Variants in ANKS1B observed in about 807,000 individuals in gnomAD.
ANKS1B encodes the protein ankyrin repeat and sterile alpha motif domain containing 1B.
In ANKS1B, 36 loss-of-function variants were observed where a neutral mutation model predicts 148.3. The ratio of observed to expected loss-of-function variants is 0.24; its 90% confidence interval spans 0.19 to 0.32. The LOEUF (loss-of-function observed/expected upper bound fraction) is 0.32. Among genes scored for constraint, ANKS1B ranks in the 10% least tolerant of loss-of-function variants. The pLI, the probability that ANKS1B is intolerant of heterozygous loss-of-function variation, is 1.00. For missense variants in ANKS1B, 1,157 were observed against 1,542.6 expected (o/e 0.75, Z 4.19); for synonymous variants, 542 against 560.8 (o/e 0.97, Z 0.47).
intron 17 of ANKS1B, among the ~76,000 whole-genome samples, chr12:98,995,742 T>G (rs1383148058): frequency 6.6e-6 from 1 of 152,200 alleles, no homozygotes; most frequent in Non-Finnish European, 1.5e-5. Flanking sequence ...AGGAACCATA[T>G]AGTTGCCCCA....
chr12:98,933,977 T>C (rs79493669), intron 17 of ANKS1B, among the ~76,000 whole-genome samples: 11,182 of 152,162 alleles, frequency 0.073, 428 homozygotes, highest in African/African-American at 0.093. Flanking sequence ...CTCAGTTGAC[T>C]GTTTCTTTTG....
At chr12:99,272,563 T>C (rs2077166706) in intron 12 of ANKS1B, among the ~76,000 whole-genome samples, 1 of 152,194 alleles carries the variant, frequency 6.6e-6, no homozygotes, top group Admixed American at 6.5e-5. Flanking sequence ...CAATACACAC[T>C]GTACACAGGT....
intron 17 of ANKS1B, among the ~76,000 whole-genome samples, chr12:98,869,106 C>A (rs573851972): frequency 6.6e-6 from 1 of 152,140 alleles, no homozygotes; most frequent in Non-Finnish European, 1.5e-5. Context: ...GGCCAAGTAG[C>A]CCTTGCACAC....
intron 17 of ANKS1B, among the ~76,000 whole-genome samples, chr12:98,844,989 A>G (rs572987282): frequency 1.4e-4 from 22 of 152,356 alleles, no homozygotes; most frequent in African/African-American, 5.1e-4. Flanking sequence ...TAAGGATCCA[A>G]AAGAAATCAA....
chr12:98,982,769 A>G (rs1163078123), intron 17 of ANKS1B, among the ~76,000 whole-genome samples: 1 of 152,162 alleles, frequency 6.6e-6, no homozygotes, highest in Non-Finnish European at 1.5e-5. Flanking sequence ...ATGGAATTCT[A>G]TTGTATGAAT....
intron 10 of ANKS1B, among the ~76,000 whole-genome samples, chr12:99,473,196 G>A (rs1384896733): frequency 6.6e-6 from 1 of 151,830 alleles, no homozygotes; most frequent in East Asian, 1.9e-4. Context: ...CAGACATATT[G>A]TGTTTTAAAT....
At chr12:99,790,658 T>C (rs1019668449) in intron 4 of ANKS1B, among the ~76,000 whole-genome samples, 9 of 152,084 alleles carry the variant, frequency 5.9e-5, no homozygotes, top group Non-Finnish European at 1.2e-4. Flanking sequence ...TCTTTTTGTG[T>C]GTTTGTTTGT....
At chr12:99,915,337 A>G (rs138523277) in intron 1 of ANKS1B, among the ~76,000 whole-genome samples, 309 of 152,168 alleles carry the variant, frequency 2.0e-3, no homozygotes, top group African/African-American at 7.3e-3. Flanking sequence ...CCTATCTGAC[A>G]TGTGTCATTA....
chr12:99,682,809 A>G (rs1420842326), intron 8 of ANKS1B, among the ~76,000 whole-genome samples: 1 of 152,170 alleles, frequency 6.6e-6, no homozygotes, highest in Non-Finnish European at 1.5e-5. Flanking sequence ...CAAAAGATAA[A>G]TGACATGAAA....
At chr12:99,665,641 C>A (rs2153459569) in intron 8 of ANKS1B, among the ~76,000 whole-genome samples, 1 of 152,172 alleles carries the variant, frequency 6.6e-6, no homozygotes, top group South Asian at 2.1e-4. Flanking sequence ...CGCCCACCAC[C>A]ACGCCCGGCT....
In ANKS1B at chr12:99,053,181, T is replaced by G. The variant is rs1383858817; in HGVS notation, c.2754A>C (p.Lys918Asn). Residue 918 changes from lysine to asparagine, a missense_variant, in exon 17 of 27, where the codon AAA becomes AAC. Coordinates refer to ENST00000683438, the MANE Select transcript of ANKS1B (RefSeq NM_001352186.2). The stretch of plus-strand genomic sequence containing the variant: ...CATTAATAAGTTCAACCTCCCAGAT[T>G]TTTTTCAACAGGTCCATCGAAGTGT... Reference protein sequence around the residue: ...NGYTSMDLLKKIWEVELINVL... With the variant: ...NGYTSMDLLKNIWEVELINVL... 1 of 1,609,052 alleles carries G rather than the reference T, an allele frequency of 6.2e-7. No individual in the cohort carries two copies. The highest frequency in any genetic ancestry group is 8.5e-7 in the Non-Finnish European group (1 of 1,177,654).
At chr12:98,861,714 A>G (rs1000603244) in intron 17 of ANKS1B, among the ~76,000 whole-genome samples, 15 of 152,250 alleles carry the variant, frequency 9.9e-5, no homozygotes, top group Non-Finnish European at 2.9e-5. Flanking sequence ...TATTCATAAC[A>G]TATTAGAGCT....
In ANKS1B at chr12:99,175,244, T is replaced by C. The variant is rs76777990; in HGVS notation, c.2420-20849A>G. Among the ~76,000 whole-genome samples, 1,013 of 152,300 alleles carry C rather than the reference T, an allele frequency of 6.7e-3. 9 individuals are homozygous for C. The highest frequency in any genetic ancestry group is 0.022 in the African/African-American group (930 of 41,566). ...AACATCTTTAAGTTTCCATGGACAT[T>C]GAGCAAAGTTTCCCAGATTCTACCG... On this transcript the variant is annotated intron_variant, in intron 14 of 26. Coordinates refer to ENST00000683438, the MANE Select transcript of ANKS1B (RefSeq NM_001352186.2).
rs898970347 is a variant in ANKS1B at position 98,989,167 on chromosome 12, T to TA, written c.2778+63989dup. On this transcript the variant is annotated intron_variant, in intron 17 of 26. Transcript: ENST00000683438. ...TGTTGCCTGGGCTTTTGGTTCATGT[T>TA]AAAAAAAATAATTGCCTAGACCAAT... Among the ~76,000 whole-genome samples, 47 of 152,088 alleles carry TA rather than the reference T, an allele frequency of 3.1e-4. 1 individual carries two copies. The highest frequency in any genetic ancestry group is 1.1e-3 in the African/African-American group (47 of 41,506).
chr12:99,078,938 TCACTTGC>T (rs1300990315), intron 16 of ANKS1B, among the ~76,000 whole-genome samples: 1 of 152,238 alleles, frequency 6.6e-6, no homozygotes, highest in African/African-American at 2.4e-5. Flanking sequence ...TCTTGTCTTC[TCACTTGC>T]TTGTTCTGTT....
chr12:99,449,976 C>T (rs919501838), intron 10 of ANKS1B, among the ~76,000 whole-genome samples: 12 of 151,896 alleles, frequency 7.9e-5, no homozygotes, highest in Admixed American at 1.3e-4. Context: ...AAGGCATTAG[C>T]TCATATAATT....
At chr12:98,943,995 T>C (rs527335080) in intron 17 of ANKS1B, among the ~76,000 whole-genome samples, 1 of 152,210 alleles carries the variant, frequency 6.6e-6, no homozygotes, top group Admixed American at 6.5e-5. Context: ...TTCACACAAA[T>C]GGGGGTTGTT....
intron 10 of ANKS1B, among the ~76,000 whole-genome samples, chr12:99,481,209 A>G (rs1244771912): frequency 6.6e-6 from 1 of 151,636 alleles, no homozygotes; most frequent in Non-Finnish European, 1.5e-5. Flanking sequence ...TTCTGAGTCC[A>G]TTATATCACT....
At chr12:98,997,573 A>T (rs188874680) in intron 17 of ANKS1B, among the ~76,000 whole-genome samples, 11 of 152,084 alleles carry the variant, frequency 7.2e-5, no homozygotes, top group African/African-American at 2.4e-4. Context: ...TTGTATTTTT[A>T]GTAGAGATGG....
Sources: allele counts gnomAD v4.1 joint callset (sites outside exome capture counted in the v4.1 genomes callset), GRCh38; gene constraint gnomAD v4.1.1; transcripts MANE v1.5; gene names NCBI Gene and HGNC (gene_info 2026-07-23, HGNC 2026-07-21).